The following SUGCT variants were observed in gnomAD, a reference collection of about 807,000 sequenced individuals.
SUGCT encodes succinyl-CoA:glutarate-CoA transferase, also known as succinyl-CoA:glutarate CoA-transferase.
SUGCT carries 41 observed loss-of-function variants against 55.0 expected under a neutral mutation model. That is an observed-to-expected ratio of 0.74 (90% CI 0.58 to 0.97). SUGCT has a LOEUF of 0.97. Ranked by LOEUF, SUGCT falls within the 50% of genes least tolerant of loss-of-function variation. The pLI, the probability that SUGCT is intolerant of heterozygous loss-of-function variation, is 0.00. For synonymous variants in SUGCT, 187 were observed against 200.4 expected, an observed-to-expected ratio of 0.93 and a Z score of 0.56; for missense variants, 568 against 547.8, an observed-to-expected ratio of 1.04 and a Z score of -0.37.
At chr7:40,470,948 A>T (rs1667400689) in intron 11 of SUGCT, among the ~76,000 whole-genome samples, 1 of 152,272 alleles carries the variant, frequency 6.6e-6, no homozygotes, top group Non-Finnish European at 1.5e-5. Context: ...CAGACATTGG[A>T]ATGTCTGAGT....
chr7:40,593,036 T>C (rs536234385), intron 12 of SUGCT, among the ~76,000 whole-genome samples: 1 of 152,252 alleles, frequency 6.6e-6, no homozygotes, highest in African/African-American at 2.4e-5. Flanking sequence ...GAGAAAAGCA[T>C]AGCTTTGGGT....
At chr7:40,488,640 G>T (rs575782108) in intron 11 of SUGCT, among the ~76,000 whole-genome samples, 1 of 152,146 alleles carries the variant, frequency 6.6e-6, no homozygotes, top group South Asian at 2.1e-4. Context: ...ACGATCTTTA[G>T]CATTTCTGGT....
intron 9 of SUGCT, among the ~76,000 whole-genome samples, chr7:40,390,088 T>C (rs1785340417): frequency 6.6e-6 from 1 of 152,214 alleles, no homozygotes; most frequent in Non-Finnish European, 1.5e-5. Flanking sequence ...TCAACAGCCC[T>C]TCATGCTAAA....
At chr7:40,877,809 TCATCA>T in the SUGCT span, among the ~76,000 whole-genome samples, 1 of 152,246 alleles carries the variant, frequency 6.6e-6, no homozygotes, top group African/African-American at 2.4e-5. Flanking sequence ...TAGAATATGC[TCATCA>T]CATTAAATTG....
chr7:40,331,403 C>G (rs1796305036), intron 9 of SUGCT, among the ~76,000 whole-genome samples: 1 of 152,178 alleles, frequency 6.6e-6, no homozygotes, highest in African/African-American at 2.4e-5. Context: ...GCTTTGGAGT[C>G]AGACAGACCT....
intron 6 of SUGCT, among the ~76,000 whole-genome samples, chr7:40,206,109 A>C (rs1438294308): frequency 6.6e-6 from 1 of 152,232 alleles, no homozygotes; most frequent in African/African-American, 2.4e-5. Context: ...TGAATGTTTT[A>C]TAGATCGTGC....
chr7:40,161,314 C>T (rs1462476878), intron 1 of SUGCT, among the ~76,000 whole-genome samples: 1 of 152,130 alleles, frequency 6.6e-6, no homozygotes, highest in Non-Finnish European at 1.5e-5. Flanking sequence ...CTCTTCCTTT[C>T]CCTTCTATTC....
chr7:40,347,386 C>G (rs1797373048), intron 9 of SUGCT, among the ~76,000 whole-genome samples: 1 of 151,954 alleles, frequency 6.6e-6, no homozygotes, highest in Non-Finnish European at 1.5e-5. Flanking sequence ...GAGTTGTCTT[C>G]TAGTGTTTTT....
At chr7:40,440,776 G>A (rs1452081639) in intron 9 of SUGCT, among the ~76,000 whole-genome samples, 1 of 151,994 alleles carries the variant, frequency 6.6e-6, no homozygotes, top group Non-Finnish European at 1.5e-5. Flanking sequence ...GAGGTTGGAG[G>A]ATTGCTTGAA....
At chr7:40,718,177 T>G (rs528770813) in intron 12 of SUGCT, among the ~76,000 whole-genome samples, 1 of 152,340 alleles carries the variant, frequency 6.6e-6, no homozygotes, top group South Asian at 2.1e-4. Flanking sequence ...GCATCTCCCA[T>G]TTTATTGCTG....
intron 12 of SUGCT, among the ~76,000 whole-genome samples, chr7:40,739,985 T>G (rs983461777): frequency 2.0e-5 from 3 of 152,176 alleles, no homozygotes; most frequent in Non-Finnish European, 4.4e-5. Flanking sequence ...GCATTAAACT[T>G]ATACATTTTG....
the SUGCT span, among the ~76,000 whole-genome samples, chr7:41,002,658 G>C: frequency 3.1e-3 from 478 of 152,250 alleles, 2 homozygotes; most frequent in Non-Finnish European, 3.9e-3. Flanking sequence ...AGCTGCACTG[G>C]GGCAAAAGTC....
At position 40,306,763 on chromosome 7, in the gene SUGCT, A is replaced by G. The variant is rs558264280; in HGVS notation, c.721-9997A>G. Among the ~76,000 whole-genome samples the G allele has an allele frequency of 2.0e-5, 3 of 152,276 alleles. No homozygotes were observed. The East Asian group carries it at 5.8e-4, about 29-fold the overall frequency. ...TTTTCTACATTTCCACTTACTCATC[A>G]CATTTTGTTTAGTTGTTCATAACCA... On this transcript the variant is annotated intron_variant, in intron 8 of 13. Transcript: ENST00000335693.
the SUGCT span, among the ~76,000 whole-genome samples, chr7:40,955,643 T>C: frequency 6.6e-6 from 1 of 152,208 alleles, no homozygotes; most frequent in African/African-American, 2.4e-5. Flanking sequence ...CTTGCCTGAT[T>C]TCCCTGGCCA....
intron 13 of SUGCT, among the ~76,000 whole-genome samples, chr7:40,836,097 C>A (rs1389234453): frequency 1.3e-5 from 2 of 151,576 alleles, no homozygotes; most frequent in Admixed American, 6.6e-5. Flanking sequence ...TGAAGTCTCA[C>A]TGTGTTGTCC....
chr7:40,510,392 G>A (rs962123221), intron 12 of SUGCT, among the ~76,000 whole-genome samples: 8 of 152,020 alleles, frequency 5.3e-5, no homozygotes, highest in African/African-American at 9.7e-5. Flanking sequence ...CACTTATTCC[G>A]TGTTCTCTGG....
chr7:40,201,153 G>C (rs1488654715), intron 6 of SUGCT, among the ~76,000 whole-genome samples: 1 of 151,924 alleles, frequency 6.6e-6, no homozygotes, highest in African/African-American at 2.4e-5. Context: ...AAGACATTAA[G>C]ACTAGAGAGA....
the SUGCT span, among the ~76,000 whole-genome samples, chr7:40,971,720 T>G: frequency 5.9e-5 from 9 of 152,282 alleles, no homozygotes; most frequent in African/African-American, 1.9e-4. Flanking sequence ...CTAAGATGGG[T>G]ATTTCCATTA....
Position 40,194,984 on chromosome 7 carries a change from C to A in SUGCT, c.408C>A (p.Gly136=). 6.2e-7 allele frequency: 1 copy of A among 1,613,840 alleles called. No homozygotes were observed. Reference sequence around the variant, plus strand: ...TGTTTGTGGAAAACTATGTCCCTGGCAAACTGTCTGCAATGGGCCTGGGAT... The same window carrying A: ...TGTTTGTGGAAAACTATGTCCCTGGAAAACTGTCTGCAATGGGCCTGGGAT... ...CDVFVENYVP[G]KLSAMGLGYE... Residue 136 remains glycine, a synonymous_variant, in exon 6 of 14, where the codon GGC becomes GGA. Transcript: ENST00000335693.
Sources: allele counts gnomAD v4.1 joint callset (sites outside exome capture counted in the v4.1 genomes callset), GRCh38; gene constraint gnomAD v4.1.1; transcripts MANE v1.5; gene names NCBI Gene and HGNC (gene_info 2026-07-23, HGNC 2026-07-21).